Variants in GUCA1C observed in about 807,000 individuals in gnomAD.
The protein encoded by GUCA1C is guanylate cyclase activator 1C.
A neutral mutation model predicts 16.2 loss-of-function variants in GUCA1C; 15 were observed. The observed-to-expected ratio is 0.93, with a 90% confidence interval of 0.62 to 1.43. GUCA1C has a LOEUF of 1.43. Among genes scored for constraint, GUCA1C ranks in the 40% most tolerant of loss-of-function variants. GUCA1C has a pLI of 0.00. For missense variants in GUCA1C, 275 were observed against 244.8 expected, an observed-to-expected ratio of 1.12 and a Z score of -0.82; for synonymous variants, 78 against 85.4, an observed-to-expected ratio of 0.91 and a Z score of 0.48.
chr3:108,940,466 G>A (rs2107310043), intron 1 of GUCA1C, among the ~76,000 whole-genome samples: 1 of 152,316 alleles, frequency 6.6e-6, no homozygotes, highest in Non-Finnish European at 1.5e-5. Context: ...TAGAGCTGGG[G>A]CTCCCAAGCA....
At chr3:108,939,324 C>CGTTTTTTTTTTTTTT (rs1946761193) in intron 1 of GUCA1C, among the ~76,000 whole-genome samples, 1 of 32,912 alleles carries the variant, frequency 3.0e-5, no homozygotes, top group African/African-American at 1.1e-4. Context: ...TGCTTCAAGG[C>CGTTTTTTTTTTTTTT]TTTTTTTTTT....
At chr3:108,949,541 G>A (rs548274887) in intron 1 of GUCA1C, among the ~76,000 whole-genome samples, 1 of 152,252 alleles carries the variant, frequency 6.6e-6, no homozygotes, top group East Asian at 1.9e-4. Context: ...ATGGACTCAG[G>A]GCAAGCACAA....
intron 3 of GUCA1C, among the ~76,000 whole-genome samples, chr3:108,913,593 G>A (rs1258801255): frequency 1.3e-5 from 2 of 151,946 alleles, no homozygotes; most frequent in Admixed American, 6.6e-5. Flanking sequence ...TCTTTTTCTT[G>A]ATGTATGGAA....
chr3:108,911,326 T>A (rs891733157), intron 3 of GUCA1C, among the ~76,000 whole-genome samples: 5 of 152,200 alleles, frequency 3.3e-5, no homozygotes, highest in Non-Finnish European at 7.4e-5. Context: ...TTACTGTGCA[T>A]GCCTACATTA....
At chr3:108,952,497 A>G (rs1393779733) in intron 1 of GUCA1C, among the ~76,000 whole-genome samples, 1 of 152,220 alleles carries the variant, frequency 6.6e-6, no homozygotes, top group Non-Finnish European at 1.5e-5. Context: ...TGTTCCTGAC[A>G]TTGCTACAAG....
chr3:108,917,867 A>G (rs1294890739), intron 2 of GUCA1C, among the ~76,000 whole-genome samples: 1 of 152,076 alleles, frequency 6.6e-6, no homozygotes, highest in Non-Finnish European at 1.5e-5. Flanking sequence ...CAATATGGTG[A>G]AACCCCGTTT....
intron 1 of GUCA1C, among the ~76,000 whole-genome samples, chr3:108,929,733 A>G (rs1250747074): frequency 6.6e-6 from 1 of 152,204 alleles, no homozygotes; most frequent in Non-Finnish European, 1.5e-5. Flanking sequence ...TCTTCTTCTG[A>G]ATTTCTTCAG....
rs187145842 is a variant in GUCA1C, at chr3:108,922,779, C to T, written c.205-2194G>A. 8.6e-4 allele frequency among the ~76,000 whole-genome samples: 131 copies of T among 152,164 alleles called. 1 individual carries two copies. The highest frequency in any genetic ancestry group is 3.1e-3 in the African/African-American group (130 of 41,496). Reference sequence around the variant, plus strand: ...TGGTGGTTTGCTGCACCCATCAACCCATCATCTACATTAGGTATTTCTCCT... The same window carrying T: ...TGGTGGTTTGCTGCACCCATCAACCTATCATCTACATTAGGTATTTCTCCT... On this transcript the variant is annotated intron_variant, in intron 1 of 3. Coordinates refer to ENST00000261047, the MANE Select transcript of GUCA1C (RefSeq NM_005459.4).
chr3:108,910,647 TTTC>T lies in GUCA1C; in HGVS notation c.443-2441_443-2439del, dbSNP rs972511924. ...ATATACAGACACATTTCAATTTTTTTTTCTTCTTCTTCTTTTTTTTGAGACGGA... is the reference window on the plus strand; with the variant it reads ...ATATACAGACACATTTCAATTTTTTTTTCTTCTTCTTTTTTTTGAGACGGA... On this transcript the variant is annotated intron_variant, in intron 3 of 3. Coordinates refer to ENST00000261047, the MANE Select transcript of GUCA1C (RefSeq NM_005459.4). Among the ~76,000 whole-genome samples, 143 of 152,108 alleles carry T rather than the reference TTTC, an allele frequency of 9.4e-4. 1 individual carries two copies. The highest frequency in any genetic ancestry group is 2.9e-3 in the African/African-American group (121 of 41,474).
At chr3:108,915,267 AAGG>A (rs1318525617) in intron 3 of GUCA1C, among the ~76,000 whole-genome samples, 1 of 152,214 alleles carries the variant, frequency 6.6e-6, no homozygotes, top group Non-Finnish European at 1.5e-5. Context: ...ATGCCTTTGG[AAGG>A]AGTTTTGGAA....
chr3:108,929,991 C>T (rs1946652433), intron 1 of GUCA1C, among the ~76,000 whole-genome samples: 1 of 152,148 alleles, frequency 6.6e-6, no homozygotes. Context: ...GGTAGTGTCC[C>T]TTATCCTGTT....
At chr3:108,914,392 C>A (rs755171940) in intron 3 of GUCA1C, among the ~76,000 whole-genome samples, 4 of 152,168 alleles carry the variant, frequency 2.6e-5, no homozygotes, top group African/African-American at 4.8e-5. Flanking sequence ...GAATCATATT[C>A]ATGTTTTCTC....
chr3:108,945,621 T>C (rs1336875948), intron 1 of GUCA1C, among the ~76,000 whole-genome samples: 1 of 152,212 alleles, frequency 6.6e-6, no homozygotes, highest in Non-Finnish European at 1.5e-5. Context: ...CCTCACCTAG[T>C]AAGATTTGCT....
chr3:108,948,614 C>A (rs140767472), intron 1 of GUCA1C, among the ~76,000 whole-genome samples: 1 of 152,068 alleles, frequency 6.6e-6, no homozygotes, highest in African/African-American at 2.4e-5. Context: ...TGATTTGGCT[C>A]GATAATTTCC....
At chr3:108,921,624 G>GGCCATTCTAATA in intron 1 of GUCA1C, among the ~76,000 whole-genome samples, 1 of 152,200 alleles carries the variant, frequency 6.6e-6, no homozygotes, top group East Asian at 1.9e-4. Context: ...TCTGGATTTT[G>GGCCATTCTAATA]GCCATTCTAA....
chr3:108,938,717 C>A (rs764625919), intron 1 of GUCA1C, among the ~76,000 whole-genome samples: 4 of 152,210 alleles, frequency 2.6e-5, no homozygotes, highest in Non-Finnish European at 5.9e-5. Flanking sequence ...CAGAAATATA[C>A]TGCTGGCTTG....
intron 1 of GUCA1C, among the ~76,000 whole-genome samples, chr3:108,951,552 T>C (rs1946895824): frequency 6.6e-6 from 1 of 152,238 alleles, no homozygotes; most frequent in South Asian, 2.1e-4. Context: ...GTTTTATCAA[T>C]TCATCTAATT....
intron 1 of GUCA1C, among the ~76,000 whole-genome samples, chr3:108,925,691 T>C (rs1946616637): frequency 1.3e-5 from 2 of 152,256 alleles, no homozygotes; most frequent in African/African-American, 4.8e-5. Flanking sequence ...CTTTCTGTCT[T>C]AATGACCTGT....
At chr3:108,909,638 G>A (rs1305699734) in intron 3 of GUCA1C, among the ~76,000 whole-genome samples, 2 of 152,196 alleles carry the variant, frequency 1.3e-5, no homozygotes, top group Non-Finnish European at 1.5e-5. Context: ...CTATAGAAGA[G>A]GCAGCATCTG....
Sources: allele counts gnomAD v4.1 joint callset (sites outside exome capture counted in the v4.1 genomes callset), GRCh38; gene constraint gnomAD v4.1.1; transcripts MANE v1.5; gene names NCBI Gene and HGNC (gene_info 2026-07-23, HGNC 2026-07-21).